GABRB3: variants seen among roughly 807,000 people sequenced by gnomAD.
The protein encoded by GABRB3 is gamma-aminobutyric acid type A receptor subunit beta3.
Under a neutral mutation model 52.1 loss-of-function variants are expected in GABRB3, and 14 were observed. The ratio of observed to expected loss-of-function variants is 0.27; its 90% CI spans 0.18 to 0.42. GABRB3 has a LOEUF of 0.42. Among genes scored for constraint, GABRB3 ranks in the 10% least tolerant of loss-of-function variants. GABRB3 has a pLI of 1.00. For synonymous variants in GABRB3, 260 were observed against 232.3 expected (o/e 1.12, Z -1.08); for missense variants, 307 against 609.1 (o/e 0.50, Z 5.22).
At chr15:26,727,255 A>G (rs905327116) in intron 3 of GABRB3, among the ~76,000 whole-genome samples, 4 of 152,206 alleles carry the variant, frequency 2.6e-5, no homozygotes, top group Non-Finnish European at 4.4e-5. Context: ...ACGACTGTCT[A>G]ATTCCATCAA....
In GABRB3 at chr15:26,567,752, G is replaced by A; in HGVS notation, c.683-19C>T. The A allele has an allele frequency of 6.2e-7, 1 of 1,612,724 alleles. No homozygotes were observed. ...TAGGCACCTATGGGAAACAGACAAGGATATTACACTGGAGAAACAACATGG... is the reference window on the plus strand; with the variant it reads ...TAGGCACCTATGGGAAACAGACAAGAATATTACACTGGAGAAACAACATGG... On this transcript the variant is annotated intron_variant, in intron 6 of 8. Transcript: ENST00000311550.
intron 3 of GABRB3, among the ~76,000 whole-genome samples, chr15:26,679,135 T>C (rs1032390511): frequency 5.3e-5 from 8 of 152,154 alleles, no homozygotes; most frequent in East Asian, 1.9e-4. Context: ...TCATACCTTA[T>C]GGGACATGAG....
chr15:26,554,597 T>C (rs1342310273), intron 8 of GABRB3, among the ~76,000 whole-genome samples: 1 of 152,132 alleles, frequency 6.6e-6, no homozygotes, highest in Non-Finnish European at 1.5e-5. Context: ...GGAAAAAACA[T>C]ACCTCTCCAG....
At chr15:26,683,805 G>A (rs1001716876) in intron 3 of GABRB3, among the ~76,000 whole-genome samples, 1 of 152,054 alleles carries the variant, frequency 6.6e-6, no homozygotes, top group African/African-American at 2.4e-5. Flanking sequence ...CTCATGAGTG[G>A]GGACCTGGCT....
intron 3 of GABRB3, among the ~76,000 whole-genome samples, chr15:26,764,779 C>T (rs557954233): frequency 1.1e-4 from 16 of 152,266 alleles, no homozygotes; most frequent in South Asian, 8.3e-4. Context: ...CTCTGCTCCA[C>T]GGCACTGCTG....
At chr15:26,681,739 A>C (rs1399795055) in intron 3 of GABRB3, among the ~76,000 whole-genome samples, 1 of 152,152 alleles carries the variant, frequency 6.6e-6, no homozygotes, top group Non-Finnish European at 1.5e-5. Flanking sequence ...AGGTGGGTGA[A>C]TAGCTTGAGG....
intron 7 of GABRB3, among the ~76,000 whole-genome samples, chr15:26,563,893 GTATT>G (rs1235778801): frequency 1.3e-5 from 2 of 152,212 alleles, no homozygotes; most frequent in East Asian, 3.9e-4. Flanking sequence ...TTTGAAAGCT[GTATT>G]TATAAAAATG....
At position 26,624,911 on chromosome 15, in the gene GABRB3, G is replaced by A. The variant is rs1014442581; in HGVS notation, c.241-3377C>T. The A allele has an allele frequency of 4.1e-6, 4 of 985,410 alleles. No homozygotes were observed. In the African/African-American group the frequency reaches 5.2e-5, roughly 13 times the overall value. The allele number at this position is 985,410 out of a possible 1,614,324, so 61.0% of individuals were successfully genotyped here. ...CGTGCAGTGGTGAGCACTGAGCCAG[G>A]AACAGCGGGCAGCCGCTTGTGTGAG... is the stretch of plus-strand genomic sequence containing the variant. On this transcript the variant is annotated intron_variant, in intron 3 of 8. Transcript: ENST00000311550.
intron 4 of GABRB3, chr15:26,615,503 T>A: frequency 1.1e-6 from 1 of 935,580 alleles, no homozygotes; most frequent in Non-Finnish European, 1.3e-6. Flanking sequence ...GGCTCATGAT[T>A]TAAAACAACC....
At chr15:26,560,842 T>C (rs990060981) in intron 8 of GABRB3, 90 bp downstream of exon 8, 2 of 1,569,934 alleles carry the variant, frequency 1.3e-6, no homozygotes, top group African/African-American at 2.7e-5. Flanking sequence ...CATACACTAC[T>C]GGGGAAAAAA....
At chr15:26,653,884 T>C (rs1440159271) in intron 3 of GABRB3, among the ~76,000 whole-genome samples, 1 of 152,238 alleles carries the variant, frequency 6.6e-6, no homozygotes, top group African/African-American at 2.4e-5. Context: ...AATATTTAGA[T>C]AAGTTCCTTT....
intron 5 of GABRB3, 108 bp downstream of exon 5, chr15:26,583,224 T>C (rs1890852395): frequency 2.4e-6 from 2 of 849,580 alleles, no homozygotes; most frequent in African/African-American, 3.3e-5. Context: ...TCTTCCCCTC[T>C]TTCTATGTCA....
intron 4 of GABRB3, among the ~76,000 whole-genome samples, chr15:26,607,228 C>T (rs1891871057): frequency 6.6e-6 from 1 of 152,144 alleles, no homozygotes; most frequent in Admixed American, 6.5e-5. Flanking sequence ...TTGTTCATTG[C>T]TCAATTAAAC....
chr15:26,695,132 G>C (rs756824601), intron 3 of GABRB3, among the ~76,000 whole-genome samples: 2 of 152,132 alleles, frequency 1.3e-5, no homozygotes, highest in Non-Finnish European at 2.9e-5. Flanking sequence ...GAAATAGTCA[G>C]TGTAACAATG....
At chr15:26,670,300 C>CG (rs1320269966) in intron 3 of GABRB3, among the ~76,000 whole-genome samples, 3 of 152,078 alleles carry the variant, frequency 2.0e-5, no homozygotes, top group Non-Finnish European at 4.4e-5. Context: ...AAGAGGGGCC[C>CG]GGGACACAGT....
intron 8 of GABRB3, among the ~76,000 whole-genome samples, chr15:26,550,749 T>C (rs548825819): frequency 1.3e-5 from 2 of 152,286 alleles, no homozygotes; most frequent in East Asian, 3.9e-4. Flanking sequence ...GCCAATACTT[T>C]AATTTCAGCC....
intron 6 of GABRB3, among the ~76,000 whole-genome samples, chr15:26,575,174 A>C (rs1281878387): frequency 6.6e-6 from 1 of 152,206 alleles, no homozygotes; most frequent in African/African-American, 2.4e-5. Context: ...TTTGCAAAAA[A>C]GATTTAAGGC....
At chr15:26,667,822 C>T (rs919239281) in intron 3 of GABRB3, among the ~76,000 whole-genome samples, 3 of 152,252 alleles carry the variant, frequency 2.0e-5, no homozygotes, top group Middle Eastern at 3.4e-3. Flanking sequence ...AATCCCTCCA[C>T]GTGACTCAGA....
At position 26,622,280 on chromosome 15, in the gene GABRB3, T is replaced by C. The variant is rs111826080; in HGVS notation, c.241-746A>G. Among the ~76,000 whole-genome samples, 87 of 152,252 alleles carry C rather than the reference T, an allele frequency of 5.7e-4. 1 individual carries two copies. Among genetic ancestry groups the C allele is most frequent in the African/African-American group, 1.9e-3 (80 of 41,528 alleles). ...AAATATCCACGTGATGGTTCTGCTTTCGTTTTGCCAAAGCAGTTAGTTTAT... is the reference window on the plus strand; with the variant it reads ...AAATATCCACGTGATGGTTCTGCTTCCGTTTTGCCAAAGCAGTTAGTTTAT... On this transcript the variant is annotated intron_variant, in intron 3 of 8. Coordinates refer to ENST00000311550, the MANE Select transcript of GABRB3 (RefSeq NM_000814.6).
Sources: allele counts gnomAD v4.1 joint callset (sites outside exome capture counted in the v4.1 genomes callset), GRCh38; gene constraint gnomAD v4.1.1; transcripts MANE v1.5; gene names NCBI Gene and HGNC (gene_info 2026-07-23, HGNC 2026-07-21).